The following DENND1A variants were observed in gnomAD, a reference collection of about 807,000 sequenced individuals.
The protein encoded by DENND1A is DENN domain-containing protein 1A.
Under a neutral mutation model 113.7 loss-of-function variants are expected in DENND1A, and 51 were observed. The ratio of observed to expected loss-of-function variants is 0.45; its 90% CI spans 0.36 to 0.57. DENND1A has a LOEUF of 0.57. Ranked by LOEUF, DENND1A falls within the 20% of genes least tolerant of loss-of-function variation. DENND1A has a pLI of 0.00. For synonymous variants in DENND1A, 565 were observed against 570.8 expected, an observed-to-expected ratio of 0.99 and a Z score of 0.14; for missense variants, 1,258 against 1,395.9, an observed-to-expected ratio of 0.90 and a Z score of 1.57.
intron 12 of DENND1A, among the ~76,000 whole-genome samples, chr9:123,565,415 G>A (rs2057999906): frequency 6.6e-6 from 1 of 152,236 alleles, no homozygotes; most frequent in African/African-American, 2.4e-5. Flanking sequence ...AGTCTGTGCA[G>A]GTACTGCTTC....
intron 2 of DENND1A, among the ~76,000 whole-genome samples, chr9:123,848,460 C>T (rs981856880): frequency 1.3e-5 from 2 of 152,052 alleles, no homozygotes; most frequent in African/African-American, 4.8e-5. Context: ...TGGCAAACTT[C>T]GTCAATAAAT....
chr9:123,407,897 C>T (rs940849196), intron 20 of DENND1A, among the ~76,000 whole-genome samples: 13 of 152,250 alleles, frequency 8.5e-5, no homozygotes, highest in African/African-American at 3.1e-4. Flanking sequence ...AAGTGCTTCA[C>T]ACGCAGGCCG....
chr9:123,403,785 G>C (rs2043707052), intron 20 of DENND1A, among the ~76,000 whole-genome samples: 1 of 152,152 alleles, frequency 6.6e-6, no homozygotes, highest in Admixed American at 6.5e-5. Flanking sequence ...GCTGTGGTGA[G>C]GGTCCAATGA....
intron 13 of DENND1A, among the ~76,000 whole-genome samples, chr9:123,493,843 G>A (rs1290116238): frequency 2.0e-5 from 3 of 151,952 alleles, no homozygotes; most frequent in East Asian, 1.9e-4. Flanking sequence ...TGCTTGGACC[G>A]CCCCCTCCAT....
chr9:123,667,657 A>G (rs1269490283), intron 7 of DENND1A, among the ~76,000 whole-genome samples: 1 of 152,208 alleles, frequency 6.6e-6, no homozygotes, highest in Non-Finnish European at 1.5e-5. Flanking sequence ...TTAAATGGCT[A>G]AACACATGAA....
In DENND1A at chr9:123,557,552, C is replaced by T; in HGVS notation, c.993+18G>A. ...CCCTGACCAAACACAGGCTCTGTGA[C>T]ATGCCAAGGCTACTCACCGGCTCGA... is the stretch of plus-strand genomic sequence containing the variant. On this transcript the variant is annotated intron_variant, in intron 13 of 23. Transcript: ENST00000394215. The T allele has an allele frequency of 6.2e-7, 1 of 1,612,818 alleles. No homozygotes were observed. The highest frequency in any genetic ancestry group is 1.7e-5 in the Admixed American group (1 of 59,966).
At chr9:123,862,056 A>G (rs1845132448) in intron 2 of DENND1A, among the ~76,000 whole-genome samples, 2 of 152,264 alleles carry the variant, frequency 1.3e-5, no homozygotes, top group Admixed American at 1.3e-4. Flanking sequence ...AGGAATGAAC[A>G]TAAGCTACTT....
At chr9:123,752,319 C>CA (rs2070124296) in intron 5 of DENND1A, among the ~76,000 whole-genome samples, 1 of 152,086 alleles carries the variant, frequency 6.6e-6, no homozygotes, top group Non-Finnish European at 1.5e-5. Flanking sequence ...ACTAGGTACT[C>CA]AGATACTTTT....
intron 1 of DENND1A, among the ~76,000 whole-genome samples, chr9:123,909,603 G>A (rs1472244212): frequency 6.6e-6 from 1 of 151,874 alleles, no homozygotes; most frequent in Non-Finnish European, 1.5e-5. Flanking sequence ...TGATGAGATG[G>A]TAAGATATTA....
intron 1 of DENND1A, among the ~76,000 whole-genome samples, chr9:123,883,708 A>G (rs1848620679): frequency 1.3e-5 from 2 of 152,208 alleles, no homozygotes; most frequent in Non-Finnish European, 2.9e-5. Context: ...GAAAAAAGGC[A>G]TTTGTGGAAA....
chr9:123,866,615 A>G (rs535184598), intron 2 of DENND1A, among the ~76,000 whole-genome samples: 1 of 152,134 alleles, frequency 6.6e-6, no homozygotes, highest in Non-Finnish European at 1.5e-5. Flanking sequence ...GTGTTGTTTG[A>G]TTTTGGTTTG....
At chr9:123,386,064 A>C (rs191314283) in intron 22 of DENND1A, among the ~76,000 whole-genome samples, 1 of 152,212 alleles carries the variant, frequency 6.6e-6, no homozygotes, top group African/African-American at 2.4e-5. Flanking sequence ...CAGTTAGTTC[A>C]GAGACGATAT....
chr9:123,547,168 T>C (rs1437235195), intron 13 of DENND1A, among the ~76,000 whole-genome samples: 7 of 152,262 alleles, frequency 4.6e-5, no homozygotes, highest in Admixed American at 3.9e-4. Context: ...ATGGTCATTT[T>C]TTCTCAATAG....
intron 22 of DENND1A, among the ~76,000 whole-genome samples, chr9:123,386,609 C>A (rs1255531966): frequency 6.6e-6 from 1 of 152,146 alleles, no homozygotes; most frequent in Admixed American, 6.5e-5. Context: ...GTCTCGAACT[C>A]CTGGCTTCAA....
chr9:123,571,662 C>A (rs1485359243), intron 12 of DENND1A, among the ~76,000 whole-genome samples: 20 of 149,474 alleles, frequency 1.3e-4, no homozygotes, highest in Middle Eastern at 3.4e-3. Context: ...AATACATAAA[C>A]ATAAGGGATA....
chr9:123,631,040 A>G (rs148797496), intron 9 of DENND1A, among the ~76,000 whole-genome samples: 33 of 152,360 alleles, frequency 2.2e-4, no homozygotes, highest in African/African-American at 7.2e-4. Flanking sequence ...ATATCATCAT[A>G]CAGGTCAATA....
intron 3 of DENND1A, among the ~76,000 whole-genome samples, chr9:123,772,940 T>C (rs939333722): frequency 6.6e-6 from 1 of 152,170 alleles, no homozygotes; most frequent in South Asian, 2.1e-4. Context: ...ATCCAACACA[T>C]AACTTATTGG....
At chr9:123,451,802 G>C (rs574951149) in intron 17 of DENND1A, among the ~76,000 whole-genome samples, 1 of 152,318 alleles carries the variant, frequency 6.6e-6, no homozygotes, top group East Asian at 1.9e-4. Flanking sequence ...CACTGAACCA[G>C]TTATAATAAT....
At chr9:123,402,515 C>T (rs772745258) in intron 21 of DENND1A, 2 of 534,794 alleles carry the variant, frequency 3.7e-6, no homozygotes, top group Non-Finnish European at 7.7e-6. Flanking sequence ...GACATGGGGG[C>T]CTCCCCCTTT....
Sources: gnomAD v4.1 joint callset for allele counts (sites outside exome capture counted in the v4.1 genomes callset) on GRCh38, gnomAD v4.1.1 for gene constraint, MANE v1.5 for transcripts, NCBI Gene and HGNC (gene_info 2026-07-23, HGNC 2026-07-21) for gene names.